Variants in ZBTB46 observed in about 807,000 individuals in gnomAD.
The protein encoded by ZBTB46 is zinc finger and BTB domain-containing protein 46.
In ZBTB46, 8 loss-of-function variants were observed where a neutral mutation model predicts 44.1. The observed-to-expected ratio is 0.18, with a 90% CI of 0.11 to 0.33. ZBTB46 has a LOEUF of 0.33. Among genes scored for constraint, ZBTB46 ranks in the 10% least tolerant of loss-of-function variants. The pLI is 1.00. For missense variants in ZBTB46, 651 were observed against 847.7 expected (o/e 0.77, Z 2.88); for synonymous variants, 409 against 382.3 (o/e 1.07, Z -0.81).
chr20:63,763,450 C>T (rs2092293831), intron 3 of ZBTB46, among the ~76,000 whole-genome samples: 1 of 152,100 alleles, frequency 6.6e-6, no homozygotes, highest in African/African-American at 2.4e-5. Context: ...CTGGGGAGAC[C>T]TTAGGGAGCT....
intron 3 of ZBTB46, among the ~76,000 whole-genome samples, chr20:63,762,638 T>A (rs1002878242): frequency 2.3e-4 from 35 of 150,192 alleles, no homozygotes; most frequent in Non-Finnish European, 4.4e-5. Context: ...TGGGCAACAG[T>A]GAGACTTCTC....
intron 2 of ZBTB46, among the ~76,000 whole-genome samples, chr20:63,789,022 G>T (rs942363043): frequency 2.6e-5 from 4 of 151,202 alleles, no homozygotes; most frequent in African/African-American, 4.9e-5. Flanking sequence ...TCTCCATGTT[G>T]GTCAGGCTGG....
chr20:63,749,982 G>A (rs1056021746), intron 4 of ZBTB46, among the ~76,000 whole-genome samples: 4 of 152,382 alleles, frequency 2.6e-5, no homozygotes, highest in African/African-American at 7.2e-5. Context: ...GCAAGAGCAC[G>A]GCTGGCCCAC....
At chr20:63,758,357 C>T (rs2092243249) in intron 3 of ZBTB46, among the ~76,000 whole-genome samples, 1 of 151,914 alleles carries the variant, frequency 6.6e-6, no homozygotes, top group Non-Finnish European at 1.5e-5. Context: ...CCAGCTTACC[C>T]TGCCTTGCCC....
Position 63,803,044 on chromosome 20 carries a change from C to G in ZBTB46, c.-33-12254G>C, listed in dbSNP as rs1354716317. On this transcript the variant is annotated intron_variant, in intron 1 of 4. Transcript: ENST00000245663. The surrounding 1 kb of genome is among the most constrained non-coding windows in gnomAD (Gnocchi z 4.0). ...AAGAGCGCGATGCCACAGACGCCAACAGGAGGAAACACGTTTCTGGGCAGC... is the reference window on the plus strand; with the variant it reads ...AAGAGCGCGATGCCACAGACGCCAAGAGGAGGAAACACGTTTCTGGGCAGC... Among the ~76,000 whole-genome samples the G allele has an allele frequency of 6.6e-6, 1 of 152,176 alleles. No individual in the cohort carries two copies. Among genetic ancestry groups the G allele is most frequent in the Non-Finnish European group, 1.5e-5 (1 of 68,046 alleles).
At chr20:63,818,890 G>A (rs977188447) in intron 1 of ZBTB46, among the ~76,000 whole-genome samples, 10 of 121,494 alleles carry the variant, frequency 8.2e-5, no homozygotes, top group African/African-American at 2.7e-4. Context: ...AAAAAAAAAA[G>A]AAGGCCAGGC....
In ZBTB46 at chr20:63,803,563, A is replaced by AG. The variant is rs747360790; in HGVS notation, c.-33-12774dup. The AG allele has an allele frequency of 4.1e-3, 3,977 of 969,546 alleles. 11 individuals carry two copies. Among genetic ancestry groups the AG allele is most frequent in the Middle Eastern group, 9.7e-3 (18 of 1,856 alleles). The allele number at this position is 969,546 out of a possible 1,614,324, so 60.1% of individuals were successfully genotyped here. The stretch of plus-strand genomic sequence containing the variant: ...CATGTCTGCCGGCCCCGGGCTGCCC[A>AG]GGCCCCGGGCTGCCCAGGTCTCTGT... On this transcript the variant is annotated intron_variant, in intron 1 of 4. Coordinates refer to ENST00000245663, the MANE Select transcript of ZBTB46 (RefSeq NM_001369741.1). The surrounding 1 kb of genome is among the most constrained non-coding windows in gnomAD (Gnocchi z 4.0).
intron 1 of ZBTB46, among the ~76,000 whole-genome samples, chr20:63,821,603 C>T (rs983313586): frequency 5.3e-5 from 8 of 152,058 alleles, no homozygotes; most frequent in African/African-American, 1.9e-4. Context: ...CCACGCACAG[C>T]TAATTTTTTT....
At chr20:63,825,415 A>G (rs1463959027) in intron 1 of ZBTB46, among the ~76,000 whole-genome samples, 3 of 148,410 alleles carry the variant, frequency 2.0e-5, no homozygotes, top group African/African-American at 7.5e-5. Context: ...AAAAAAAAAA[A>G]AACCCTCCCT....
At chr20:63,783,334 C>T (rs1393785714) in intron 2 of ZBTB46, among the ~76,000 whole-genome samples, 2 of 152,058 alleles carry the variant, frequency 1.3e-5, no homozygotes, top group Non-Finnish European at 2.9e-5. Flanking sequence ...GAGGCTGAGG[C>T]AGGAGAATCA....
chr20:63,811,463 G>A (rs2092717355), intron 1 of ZBTB46, among the ~76,000 whole-genome samples: 2 of 152,200 alleles, frequency 1.3e-5, no homozygotes, highest in Non-Finnish European at 1.5e-5. Context: ...GGCAGGAGGG[G>A]CCCTGGAAGG....
intron 2 of ZBTB46, among the ~76,000 whole-genome samples, chr20:63,780,990 A>G (rs969453595): frequency 3.6e-4 from 53 of 146,142 alleles, no homozygotes; most frequent in African/African-American, 1.3e-3. Flanking sequence ...AAAATACAAA[A>G]ATTAGCTGGG....
chr20:63,809,488 C>T (rs2146024881), intron 1 of ZBTB46, among the ~76,000 whole-genome samples: 1 of 152,342 alleles, frequency 6.6e-6, no homozygotes, highest in Non-Finnish European at 1.5e-5. Flanking sequence ...AGCAAACCTG[C>T]CAGAGCCCAG....
At chr20:63,784,190 G>A (rs1372607511) in intron 2 of ZBTB46, among the ~76,000 whole-genome samples, 1 of 152,232 alleles carries the variant, frequency 6.6e-6, no homozygotes, top group Non-Finnish European at 1.5e-5. Flanking sequence ...TCTGGGGGCG[G>A]TGAGGAGCTG....
At position 63,777,075 on chromosome 20, in the gene ZBTB46, C is replaced by CTGGGAT. The variant is rs1466425406; in HGVS notation, c.938-1114_938-1113insATCCCA. ...CACGCCACGGTTCCAGCACACGCCA[C>CTGGGAT]GGTTCCACCACACGCCACGGTTCCA... On this transcript the variant is annotated intron_variant, in intron 2 of 4. Transcript: ENST00000245663. Among the ~76,000 whole-genome samples the CTGGGAT allele has an allele frequency of 8.8e-4, 30 of 33,986 alleles. 3 individuals are homozygous for CTGGGAT. Among genetic ancestry groups the CTGGGAT allele is most frequent in the Non-Finnish European group, 1.3e-3 (18 of 13,412 alleles). 22.3% of individuals were successfully genotyped at this position (33,986 alleles called of 152,430 possible).
At position 63,744,520 on chromosome 20, in the gene ZBTB46, T is replaced by C. The variant is rs1008218356; in HGVS notation, c.*2410A>G. ...CAAAATGTGAAATGTAATCTACACATTTTTCCTCTTCATAAAAAAATATTT... is the reference window on the plus strand; with the variant it reads ...CAAAATGTGAAATGTAATCTACACACTTTTCCTCTTCATAAAAAAATATTT... On this transcript the variant is annotated 3_prime_UTR_variant, in exon 5 of 5. Transcript: ENST00000245663. The C allele has an allele frequency of 6.6e-6, 1 of 152,130 alleles. No individual in the cohort carries two copies. Among genetic ancestry groups the C allele is most frequent in the South Asian group, 2.1e-4 (1 of 4,824 alleles). The allele number at this position is 152,130 out of a possible 1,614,324, so 9.4% of individuals were successfully genotyped here.
At chr20:63,782,052 A>T (rs1239240234) in intron 2 of ZBTB46, among the ~76,000 whole-genome samples, 1 of 140,402 alleles carries the variant, frequency 7.1e-6, no homozygotes, top group Non-Finnish European at 1.5e-5. Flanking sequence ...GCGCCACTGC[A>T]CTCAGGCCTG....
At position 63,767,972 on chromosome 20, in the gene ZBTB46, G is replaced by A; in HGVS notation, c.1222+7706C>T. ...CTCCGCCCAGCTCTCCACGCCATGA[G>A]AGGTGTCGATCTGGAACCAGAGACA... On this transcript the variant is annotated intron_variant, in intron 3 of 4. Transcript: ENST00000245663. The surrounding 1 kb of genome is among the most constrained non-coding windows in gnomAD (Gnocchi z 5.0). The A allele has an allele frequency of 1.0e-6, 1 of 985,472 alleles. No individual in the cohort carries two copies. The highest frequency in any genetic ancestry group is 1.2e-6 in the Non-Finnish European group (1 of 829,942). The allele number at this position is 985,472 out of a possible 1,614,324, so 61.0% of individuals were successfully genotyped here.
intron 2 of ZBTB46, among the ~76,000 whole-genome samples, chr20:63,786,515 G>C (rs539001529): frequency 1.3e-5 from 2 of 151,962 alleles, no homozygotes; most frequent in Non-Finnish European, 2.9e-5. Context: ...TTTTTGATTT[G>C]TTTTGTTTTG....
Sources: allele counts gnomAD v4.1 joint callset (sites outside exome capture counted in the v4.1 genomes callset), GRCh38; gene constraint gnomAD v4.1.1; non-coding constraint Gnocchi (gnomAD v3.1); transcripts MANE v1.5; gene names NCBI Gene and HGNC (gene_info 2026-07-23, HGNC 2026-07-21).